The following TCF7L1 variants were observed in gnomAD, a reference collection of about 807,000 sequenced individuals.
TCF7L1 encodes transcription factor 7-like 1.
In TCF7L1, 18 loss-of-function variants were observed where a neutral mutation model predicts 63.7. The observed-to-expected ratio is 0.28, with a 90% CI of 0.20 to 0.42. The LOEUF is 0.42. Among genes scored for constraint, TCF7L1 ranks in the 10% least tolerant of loss-of-function variants. TCF7L1 has a pLI of 1.00. For missense variants in TCF7L1, 654 were observed against 779.3 expected, an observed-to-expected ratio of 0.84 and a Z score of 1.91; for synonymous variants, 355 against 340.9, an observed-to-expected ratio of 1.04 and a Z score of -0.46.
chr2:85,290,062 T>A (rs1315576708), intron 4 of TCF7L1, among the ~76,000 whole-genome samples: 2 of 151,398 alleles, frequency 1.3e-5, no homozygotes, highest in Admixed American at 1.3e-4. Context: ...ACTGCAACTT[T>A]CACACTCCGG....
intron 11 of TCF7L1, among the ~76,000 whole-genome samples, chr2:85,308,367 T>TTTCTC (rs1682170515): frequency 7.4e-5 from 4 of 53,786 alleles, no homozygotes; most frequent in Admixed American, 3.3e-4. Flanking sequence ...CTCCCTTTCT[T>TTTCTC]CCTCCCTCCC....
rs1483146777 is a variant in TCF7L1, at chr2:85,272,980, G to A, written c.442-10515G>A. On this transcript the variant is annotated intron_variant, in intron 3 of 11. Transcript: ENST00000282111. ...AGTCATCCATGGCCTTGCAAAGACA[G>A]GAGAGTGTCTACAGAGACAGTGGAG... Among the ~76,000 whole-genome samples, 4 of 152,216 alleles carry A rather than the reference G, an allele frequency of 2.6e-5. 1 individual carries two copies. In the East Asian group the frequency reaches 7.7e-4, roughly 29 times the overall value.
At chr2:85,259,245 GCT>G (rs1427369997) in intron 3 of TCF7L1, among the ~76,000 whole-genome samples, 2 of 152,202 alleles carry the variant, frequency 1.3e-5, no homozygotes, top group Middle Eastern at 6.3e-3. Flanking sequence ...TTCTAAAACT[GCT>G]CTGTCAGTAA....
chr2:85,290,468 G>A (rs527786017), intron 4 of TCF7L1, among the ~76,000 whole-genome samples: 1 of 152,292 alleles, frequency 6.6e-6, no homozygotes, highest in East Asian at 1.9e-4. Flanking sequence ...GAGCCATCAT[G>A]CCCAACCTCC....
At chr2:85,277,415 G>A (rs1200244663) in intron 3 of TCF7L1, among the ~76,000 whole-genome samples, 2 of 152,126 alleles carry the variant, frequency 1.3e-5, no homozygotes, top group African/African-American at 2.4e-5. Context: ...TGCACCCGGA[G>A]TTTGGGTGTA....
At chr2:85,204,897 T>TC (rs56981841) in intron 3 of TCF7L1, 1 of 151,944 alleles carries the variant, frequency 6.6e-6, no homozygotes, top group Non-Finnish European at 1.5e-5. Flanking sequence ...TTGTTTTTTT[T>TC]CTTTAGTCTA....
At chr2:85,242,254 G>A (rs1278142868) in intron 3 of TCF7L1, among the ~76,000 whole-genome samples, 2 of 152,156 alleles carry the variant, frequency 1.3e-5, no homozygotes, top group Admixed American at 1.3e-4. Flanking sequence ...TGGGTCACTT[G>A]GCTGCCTCTG....
At chr2:85,145,883 T>TA (rs1478619263) in intron 3 of TCF7L1, among the ~76,000 whole-genome samples, 5 of 151,142 alleles carry the variant, frequency 3.3e-5, no homozygotes, top group Admixed American at 1.3e-4. Flanking sequence ...TTTGTTTATT[T>TA]AAAAAAAAAT....
At chr2:85,137,758 TGGCGAGC>T (rs1677629223) in intron 3 of TCF7L1, among the ~76,000 whole-genome samples, 2 of 152,118 alleles carry the variant, frequency 1.3e-5, no homozygotes, top group African/African-American at 4.8e-5. Flanking sequence ...CCAGGCGTGC[TGGCGAGC>T]ACCTGCAATT....
At chr2:85,279,140 G>A (rs78294339) in intron 3 of TCF7L1, among the ~76,000 whole-genome samples, 1,933 of 152,324 alleles carry the variant, frequency 0.013, 31 homozygotes, top group Non-Finnish European at 0.019. Flanking sequence ...GTTTTAACCT[G>A]CCCACATACC....
intron 3 of TCF7L1, among the ~76,000 whole-genome samples, chr2:85,159,828 C>T (rs1678244407): frequency 6.6e-6 from 1 of 152,196 alleles, no homozygotes; most frequent in African/African-American, 2.4e-5. Context: ...TCACAAAGTC[C>T]CTCCTTGCTG....
chr2:85,185,167 T>A (rs1428736131), intron 3 of TCF7L1, among the ~76,000 whole-genome samples: 1 of 152,098 alleles, frequency 6.6e-6, no homozygotes, highest in Non-Finnish European at 1.5e-5. Context: ...CAGGAGAGTG[T>A]GCCCTAGTAA....
chr2:85,191,122 T>G (rs1292626951), intron 3 of TCF7L1, among the ~76,000 whole-genome samples: 1 of 151,298 alleles, frequency 6.6e-6, no homozygotes, highest in Admixed American at 6.7e-5. Flanking sequence ...CAGCACACAA[T>G]ATAGAAACAC....
At chr2:85,170,052 A>G (rs1186330674) in intron 3 of TCF7L1, among the ~76,000 whole-genome samples, 1 of 152,272 alleles carries the variant, frequency 6.6e-6, no homozygotes, top group Non-Finnish European at 1.5e-5. Flanking sequence ...GATCTAGAGC[A>G]TGACAAGATA....
intron 4 of TCF7L1, among the ~76,000 whole-genome samples, chr2:85,288,727 G>T (rs560728060): frequency 3.3e-5 from 5 of 152,242 alleles, no homozygotes; most frequent in South Asian, 2.1e-4. Context: ...TTCAAAACAA[G>T]CTCTAAAGAC....
At chr2:85,187,440 G>T (rs1228994586) in intron 3 of TCF7L1, among the ~76,000 whole-genome samples, 2 of 152,174 alleles carry the variant, frequency 1.3e-5, no homozygotes, top group Admixed American at 6.5e-5. Context: ...CTTGCTAAAA[G>T]TTGTATAGTT....
chr2:85,135,402 G>A (rs1279802873), intron 3 of TCF7L1, among the ~76,000 whole-genome samples: 2 of 152,146 alleles, frequency 1.3e-5, no homozygotes, highest in Admixed American at 6.5e-5. Flanking sequence ...CTGCTTGGGC[G>A]CGATGTGAAT....
chr2:85,216,137 G>C lies in TCF7L1; in HGVS notation c.442-67358G>C, dbSNP rs186775700. Among the ~76,000 whole-genome samples, 110 of 152,222 alleles carry C rather than the reference G, an allele frequency of 7.2e-4. 1 individual carries two copies. Among genetic ancestry groups the C allele is most frequent in the African/African-American group, 2.4e-3 (101 of 41,544 alleles). ...CAGGGCTGTGTTAGGTGGGGAGCCC[G>C]GCTGCCCTTCTCCGAGAAAGGGAAT... On this transcript the variant is annotated intron_variant, in intron 3 of 11. Transcript: ENST00000282111.
At chr2:85,232,180 G>A (rs960890427) in intron 3 of TCF7L1, among the ~76,000 whole-genome samples, 7 of 152,168 alleles carry the variant, frequency 4.6e-5, no homozygotes, top group Non-Finnish European at 1.0e-4. Flanking sequence ...TGAGGCTGTC[G>A]TGCAATCCAT....
Sources: gnomAD v4.1 joint callset for allele counts (sites outside exome capture counted in the v4.1 genomes callset) on GRCh38, gnomAD v4.1.1 for gene constraint, MANE v1.5 for transcripts, NCBI Gene and HGNC (gene_info 2026-07-23, HGNC 2026-07-21) for gene names.